The following BRI3BP variants were observed in gnomAD, a reference collection of about 807,000 sequenced individuals.
The protein encoded by BRI3BP is BRI3 binding protein, also known as BRI3-binding protein.
In BRI3BP, 7 loss-of-function variants were observed where a neutral mutation model predicts 15.8. The ratio of observed to expected loss-of-function variants is 0.44; its 90% CI spans 0.25 to 0.83. The LOEUF (loss-of-function observed/expected upper bound fraction) is 0.83. Ranked by LOEUF, BRI3BP falls within the 40% of genes least tolerant of loss-of-function variation. The probability of loss-of-function intolerance (pLI) is 0.20; values close to 1 mark genes in which losing one functional copy is unlikely to be tolerated. For synonymous variants in BRI3BP, 192 were observed against 163.5 expected (o/e 1.17, Z -1.33); for missense variants, 320 against 339.3 (o/e 0.94, Z 0.45).
At position 124,993,894 on chromosome 12, in the gene BRI3BP, C is replaced by A; in HGVS notation, c.104C>A (p.Ala35Glu). The stretch of plus-strand genomic sequence containing the variant: ...CTGCTGGCCCCGGGCGCGCAGGGGG[C>A]GCGGGGCCGCGGCGGCGCGGAGAAG... ...LGLLAPGAQG[A>E]RGRGGAEKNS... Residue 35 changes from alanine (A) to glutamate (E), a missense_variant, in exon 1 of 3, where the codon GCG becomes GAG. Transcript: ENST00000341446. 1 of 1,260,588 alleles carries A rather than the reference C, an allele frequency of 7.9e-7. No homozygotes were observed. The highest frequency in any genetic ancestry group is 4.0e-5 in the Admixed American group (1 of 25,274). The allele number at this position is 1,260,588 out of a possible 1,614,324, so 78.1% of individuals were successfully genotyped here.
intron 1 of BRI3BP, among the ~76,000 whole-genome samples, chr12:125,011,094 A>T (rs1017724336): frequency 1.6e-5 from 1 of 63,188 alleles, no homozygotes; most frequent in African/African-American, 5.3e-5. Flanking sequence ...ACCCTGTCTT[A>T]AAAAAAAAAA....
downstream of BRI3BP, among the ~76,000 whole-genome samples, chr12:125,031,636 G>A (rs533443125): frequency 7.4e-6 from 1 of 135,294 alleles, no homozygotes; most frequent in East Asian, 2.2e-4. Context: ...GAGTGCAGTG[G>A]CGAGATCTCA....
the BRI3BP span, among the ~76,000 whole-genome samples, chr12:125,036,469 T>G: frequency 2.5e-4 from 38 of 152,110 alleles, no homozygotes; most frequent in African/African-American, 8.2e-4. Flanking sequence ...TAACTGCTCA[T>G]CATTGATTAT....
At chr12:125,008,254 C>G (rs1955163883) in intron 1 of BRI3BP, among the ~76,000 whole-genome samples, 1 of 151,342 alleles carries the variant, frequency 6.6e-6, no homozygotes, top group Non-Finnish European at 1.5e-5. Flanking sequence ...CAGATCCCGC[C>G]GCCTACCCCC....
chr12:125,014,344 C>A (rs1032535101), intron 2 of BRI3BP, among the ~76,000 whole-genome samples: 1 of 152,212 alleles, frequency 6.6e-6, no homozygotes, highest in Non-Finnish European at 1.5e-5. Context: ...GCAGTTGCTG[C>A]ATGTGGCAGG....
At chr12:125,019,660 C>CTTTTTTTTTTTTTTTTTTATTT (rs1955278838) in intron 2 of BRI3BP, among the ~76,000 whole-genome samples, 1 of 24,732 alleles carries the variant, frequency 4.0e-5, no homozygotes, top group Non-Finnish European at 8.8e-5. Flanking sequence ...TTTTTTTTGC[C>CTTTTTTTTTTTTTTTTTTATTT]TTTTTTGCTG....
intron 1 of BRI3BP, among the ~76,000 whole-genome samples, chr12:125,001,012 C>A (rs960125345): frequency 1.7e-4 from 26 of 152,150 alleles, no homozygotes; most frequent in African/African-American, 6.3e-4. Flanking sequence ...GTCAGAGTTT[C>A]CTCACTTTTG....
rs1433840406 is a variant in BRI3BP at position 124,993,836 on chromosome 12, C to T, written c.46C>T (p.Leu16=). Residue 16 remains leucine, a synonymous_variant, in exon 1 of 3, where the codon CTG becomes TTG. Transcript: ENST00000341446. The part of the protein sequence containing the change: ...SGGPLARAGL[L]LLLLLLLLLG... ...CGGGCCCCTGGCCCGGGCCGGGCTC[C>T]TGCTGCTGCTGCTGCTGCTGCTGCT... is the stretch of plus-strand genomic sequence containing the variant. 1.3e-6 allele frequency: 1 copy of T among 777,924 alleles called. No individual in the cohort carries two copies. Among genetic ancestry groups the T allele is most frequent in the Non-Finnish European group, 1.6e-6 (1 of 639,002 alleles). 48.2% of individuals were successfully genotyped at this position (777,924 alleles called of 1,614,324 possible). A position where few individuals can be genotyped will look rare whatever the true frequency, so the allele number is the denominator to read the frequency against.
chr12:125,007,808 T>A (rs1463176507), intron 1 of BRI3BP, among the ~76,000 whole-genome samples: 3 of 152,180 alleles, frequency 2.0e-5, no homozygotes, highest in Non-Finnish European at 4.4e-5. Flanking sequence ...GCTGGATATG[T>A]CCATCGTTGT....
the BRI3BP span, among the ~76,000 whole-genome samples, chr12:125,039,996 G>T: frequency 6.6e-6 from 1 of 152,142 alleles, no homozygotes; most frequent in Non-Finnish European, 1.5e-5. Context: ...GGGTACGGTG[G>T]CTCATGCCTA....
At chr12:125,001,302 C>T (rs760096329) in intron 1 of BRI3BP, among the ~76,000 whole-genome samples, 7 of 151,942 alleles carry the variant, frequency 4.6e-5, no homozygotes, top group African/African-American at 7.3e-5. Flanking sequence ...GTGATCTGCC[C>T]GGCTCGGCCT....
At chr12:125,038,230 T>A in the BRI3BP span, among the ~76,000 whole-genome samples, 1 of 150,670 alleles carries the variant, frequency 6.6e-6, no homozygotes, top group African/African-American at 2.4e-5. Context: ...TGAGCCAAGG[T>A]TGTGCCCCTG....
Position 125,031,069 on chromosome 12 carries a change from A to G in BRI3BP, c.*5639A>G, listed in dbSNP as rs1381356200. 1 of 151,248 alleles carries G rather than the reference A, an allele frequency of 6.6e-6. No individual in the cohort carries two copies. Among genetic ancestry groups the G allele is most frequent in the Non-Finnish European group, 1.5e-5 (1 of 67,972 alleles). The allele number at this position is 151,248 out of a possible 1,614,324, so 9.4% of individuals were successfully genotyped here. On this transcript the variant is annotated 3_prime_UTR_variant, in exon 3 of 3. Transcript: ENST00000341446. The stretch of plus-strand genomic sequence containing the variant: ...CAGGCATTTTTTTGCAAAGCGATAT[A>G]TACATTCCTCTTATTTATTAAATCA...
At chr12:125,003,794 A>G (rs1400370781) in intron 1 of BRI3BP, among the ~76,000 whole-genome samples, 8 of 152,038 alleles carry the variant, frequency 5.3e-5, no homozygotes, top group Non-Finnish European at 1.2e-4. Context: ...CTCTACTAAA[A>G]ATATAAAAAT....
rs750077437 is a variant in BRI3BP, at chr12:125,012,515, C to T, written c.214-19C>T. 2.2e-5 allele frequency: 34 copies of T among 1,559,112 alleles called. No homozygotes were observed. In the East Asian group the frequency reaches 4.3e-4, roughly 20 times the overall value. On this transcript the variant is annotated intron_variant, in intron 1 of 2. Transcript: ENST00000341446. ...AGGAAAACAGTGATTGGGTGATGAC[C>T]GTTTTCTTGTTTCTGCAGTTCTTGG...
At chr12:124,996,616 G>A (rs1594524794) in intron 1 of BRI3BP, among the ~76,000 whole-genome samples, 1 of 152,080 alleles carries the variant, frequency 6.6e-6, no homozygotes, top group South Asian at 2.1e-4. Context: ...GTAAGCCACC[G>A]TGCCCAGCCT....
intron 2 of BRI3BP, among the ~76,000 whole-genome samples, chr12:125,021,026 T>G (rs377585320): frequency 5.1e-4 from 77 of 152,022 alleles, no homozygotes; most frequent in African/African-American, 1.8e-3. Context: ...TACTGAAGAG[T>G]GCAAACGGTC....
chr12:125,015,777 C>G (rs770525729), intron 2 of BRI3BP, among the ~76,000 whole-genome samples: 14 of 152,232 alleles, frequency 9.2e-5, no homozygotes, highest in Non-Finnish European at 1.8e-4. Context: ...ACTGCTCAGA[C>G]AAAGAATCAG....
At position 125,025,293 on chromosome 12, in the gene BRI3BP, A is replaced by T. The variant is rs768055438; in HGVS notation, c.619A>T (p.Ser207Cys). The change falls in exon 3 of 3, where the codon AGC (serine) becomes TGC (cysteine). Residue 207 changes from serine to cysteine, a missense_variant. Transcript: ENST00000341446. ...MTGPMGFYWR[S>C]SPSGPSNPSN... ...CGGGCCCATGGGCTTCTACTGGCGA[A>T]GCAGTCCCAGCGGCCCCAGCAACCC... The T allele has an allele frequency of 6.2e-7, 1 of 1,613,994 alleles. No homozygotes were observed. Among genetic ancestry groups the T allele is most frequent in the Non-Finnish European group, 8.5e-7 (1 of 1,180,004 alleles).
Sources: allele counts gnomAD v4.1 joint callset (sites outside exome capture counted in the v4.1 genomes callset), GRCh38; gene constraint gnomAD v4.1.1; transcripts MANE v1.5; gene names NCBI Gene and HGNC (gene_info 2026-07-23, HGNC 2026-07-21).